Variants in POU2F1 observed in about 807,000 individuals in gnomAD.
The protein encoded by POU2F1 is POU class 2 homeobox 1.
POU2F1 carries 16 observed loss-of-function variants against 84.9 expected under a neutral mutation model. The observed-to-expected ratio is 0.19, with a 90% CI of 0.13 to 0.29. The LOEUF (loss-of-function observed/expected upper bound fraction) is 0.29, where lower values mean the gene tolerates loss of function less well. Ranked by LOEUF, POU2F1 falls within the 10% of genes least tolerant of loss-of-function variation. The probability of loss-of-function intolerance (pLI) is 1.00; values close to 1 mark genes in which losing one functional copy is unlikely to be tolerated. For missense variants in POU2F1, 738 were observed against 942.6 expected (o/e 0.78, Z 2.84); for synonymous variants, 368 against 368.3 (o/e 1.00, Z 0.01).
intron 2 of POU2F1, chr1:167,337,837 A>T: frequency 3.6e-6 from 1 of 276,126 alleles, no homozygotes; most frequent in Non-Finnish European, 7.1e-6. Flanking sequence ...AAGGAAAGAC[A>T]TGAAAGCACA....
Position 167,424,011 on chromosome 1 carries a change from C to T in POU2F1, c.*8201C>T, listed in dbSNP as rs942779873. On this transcript the variant is annotated 3_prime_UTR_variant, in exon 16 of 16. Transcript: ENST00000367866. ...GCTCCCACCCAGCCTTAATGAGTCTCATGGTCTAAAAGTATAGGAAGAAAT... is the reference window on the plus strand; with the variant it reads ...GCTCCCACCCAGCCTTAATGAGTCTTATGGTCTAAAAGTATAGGAAGAAAT... 2 of 152,232 alleles carry T rather than the reference C, an allele frequency of 1.3e-5. No individual in the cohort carries two copies. Among genetic ancestry groups the T allele is most frequent in the Admixed American group, 6.5e-5 (1 of 15,290 alleles). The allele number at this position is 152,232 out of a possible 1,614,324, so 9.4% of individuals were successfully genotyped here.
intron 1 of POU2F1, among the ~76,000 whole-genome samples, chr1:167,247,327 A>C (rs996877308): frequency 1.3e-5 from 2 of 151,980 alleles, no homozygotes; most frequent in Non-Finnish European, 2.9e-5. Flanking sequence ...CGACCTCCCA[A>C]AGTTCTGTGG....
intron 13 of POU2F1, among the ~76,000 whole-genome samples, chr1:167,409,497 A>G (rs1041623221): frequency 1.3e-5 from 2 of 152,256 alleles, no homozygotes; most frequent in Non-Finnish European, 2.9e-5. Context: ...CAGTCATGAA[A>G]TACATATATT....
intron 1 of POU2F1, among the ~76,000 whole-genome samples, chr1:167,304,264 A>G (rs1014711616): frequency 2.0e-5 from 3 of 152,202 alleles, no homozygotes; most frequent in African/African-American, 7.2e-5. Flanking sequence ...AGTATTAACC[A>G]TTAATTAACT....
Position 167,412,120 on chromosome 1 carries a change from T to C in POU2F1, c.1717T>C (p.Ser573Pro). 6.2e-7 allele frequency: 1 copy of C among 1,614,116 alleles called. No individual in the cohort carries two copies. Among genetic ancestry groups the C allele is most frequent in the Non-Finnish European group, 8.5e-7 (1 of 1,180,018 alleles). Reference protein sequence around the residue: ...ASETSTTQTTSTPLSSPLGTS... With the variant: ...ASETSTTQTTPTPLSSPLGTS... ...TGAGACCAGCACAACACAGACCACC[T>C]CCACTCCTTTGTCCTCCCCTCTTGG... is the stretch of plus-strand genomic sequence containing the variant. Residue 573 changes from serine (S) to proline (P), a missense_variant, in exon 14 of 16, where the codon TCC becomes CCC. Ser to Pro is a moderately conservative substitution (Grantham distance 74). Coordinates refer to ENST00000367866, the MANE Select transcript of POU2F1 (RefSeq NM_002697.4).
At chr1:167,368,390 T>C (rs1659819454) in intron 3 of POU2F1, among the ~76,000 whole-genome samples, 1 of 152,086 alleles carries the variant, frequency 6.6e-6, no homozygotes, top group Non-Finnish European at 1.5e-5. Context: ...TATTGTGATA[T>C]TAAGTTTGAT....
intron 1 of POU2F1, among the ~76,000 whole-genome samples, chr1:167,247,297 C>T (rs1032124163): frequency 2.0e-5 from 3 of 152,040 alleles, no homozygotes; most frequent in Non-Finnish European, 4.4e-5. Flanking sequence ...AACTCCTGGC[C>T]TTGAGTGATC....
At chr1:167,400,161 A>G (rs1168994610) in intron 12 of POU2F1, among the ~76,000 whole-genome samples, 1 of 147,026 alleles carries the variant, frequency 6.8e-6, no homozygotes, top group Non-Finnish European at 1.5e-5. Context: ...ATTTTTTTGT[A>G]TTTTTAGTTG....
chr1:167,418,932 T>C lies in POU2F1; in HGVS notation c.*3122T>C, dbSNP rs1650476035. The C allele has an allele frequency of 6.6e-6, 1 of 152,192 alleles. No individual in the cohort carries two copies. The highest frequency in any genetic ancestry group is 1.5e-5 in the Non-Finnish European group (1 of 68,038). The allele number at this position is 152,192 out of a possible 1,614,324, so 9.4% of individuals were successfully genotyped here. A position where few individuals can be genotyped will look rare whatever the true frequency, so the allele number is the denominator to read the frequency against. ...GATAAAAATAAATTTTTTTCTCTTT[T>C]TTTACTTATTTAAAAATAAGTTGTG... is the stretch of plus-strand genomic sequence containing the variant. On this transcript the variant is annotated 3_prime_UTR_variant, in exon 16 of 16. Transcript: ENST00000367866.
chr1:167,398,151 T>C lies in POU2F1; in HGVS notation c.1269+18T>C. 6.2e-7 allele frequency: 1 copy of C among 1,612,422 alleles called. No homozygotes were observed. The highest frequency in any genetic ancestry group is 1.7e-4 in the Middle Eastern group (1 of 6,042). On this transcript the variant is annotated intron_variant, in intron 11 of 15. Transcript: ENST00000367866. ...TCTTGGAGGTCAGTGAGGATTTTAC[T>C]TTTCTGTACATGGGATTGTCTGTGT... is the stretch of plus-strand genomic sequence containing the variant.
intron 1 of POU2F1, among the ~76,000 whole-genome samples, chr1:167,277,825 TACC>T (rs1330384089): frequency 6.6e-6 from 1 of 152,220 alleles, no homozygotes; most frequent in Admixed American, 6.5e-5. Flanking sequence ...TAATTCCTAA[TACC>T]CCCTCTCCCT....
At chr1:167,344,292 G>GGA (rs1399201415) in intron 2 of POU2F1, among the ~76,000 whole-genome samples, 2 of 152,142 alleles carry the variant, frequency 1.3e-5, no homozygotes, top group African/African-American at 4.8e-5. Flanking sequence ...GTGAGCTCAT[G>GGA]GAGTTAGCAT....
intron 1 of POU2F1, among the ~76,000 whole-genome samples, chr1:167,310,870 T>A (rs1285196505): frequency 6.6e-6 from 1 of 152,156 alleles, no homozygotes; most frequent in Non-Finnish European, 1.5e-5. Flanking sequence ...GGATTAAAAC[T>A]CACTGTGTAG....
chr1:167,301,397 A>C (rs1374440776), intron 1 of POU2F1, among the ~76,000 whole-genome samples: 2 of 152,220 alleles, frequency 1.3e-5, no homozygotes, highest in Non-Finnish European at 2.9e-5. Context: ...TTTCAAGCAA[A>C]GATAAAATTT....
intron 2 of POU2F1, among the ~76,000 whole-genome samples, chr1:167,349,443 T>C (rs552328868): frequency 6.6e-6 from 1 of 152,314 alleles, no homozygotes; most frequent in African/African-American, 2.4e-5. Context: ...GTATCTGATA[T>C]TCAATATTTT....
chr1:167,282,205 C>T (rs570244857), intron 1 of POU2F1, among the ~76,000 whole-genome samples: 3 of 151,522 alleles, frequency 2.0e-5, no homozygotes, highest in Non-Finnish European at 4.4e-5. Context: ...TGCAGTGGCG[C>T]GATCCCGGCT....
chr1:167,325,734 C>G (rs1292069791), intron 1 of POU2F1, among the ~76,000 whole-genome samples: 2 of 151,822 alleles, frequency 1.3e-5, no homozygotes, highest in Non-Finnish European at 2.9e-5. Flanking sequence ...ACTAAAAATA[C>G]AAAAATTAGC....
intron 9 of POU2F1, among the ~76,000 whole-genome samples, chr1:167,395,628 A>G (rs966066698): frequency 6.6e-6 from 1 of 152,120 alleles, no homozygotes; most frequent in Non-Finnish European, 1.5e-5. Context: ...TTTTTGAGAC[A>G]GGATCTCGCT....
intron 8 of POU2F1, among the ~76,000 whole-genome samples, chr1:167,385,490 A>G (rs1030033702): frequency 1.3e-5 from 2 of 152,276 alleles, no homozygotes; most frequent in South Asian, 4.1e-4. Flanking sequence ...AGTGGAACAG[A>G]ATAGAAGGTC....
Sources: gnomAD v4.1 joint callset for allele counts (sites outside exome capture counted in the v4.1 genomes callset) on GRCh38, gnomAD v4.1.1 for gene constraint, MANE v1.5 for transcripts, NCBI Gene and HGNC (gene_info 2026-07-23, HGNC 2026-07-21) for gene names.